The following KIAA0825 variants were observed in gnomAD, a reference collection of about 807,000 sequenced individuals.
The protein encoded by KIAA0825 is KIAA0825.
A neutral mutation model predicts 147.6 loss-of-function variants in KIAA0825; 119 were observed. The ratio of observed to expected loss-of-function variants is 0.81; its 90% CI spans 0.69 to 0.94. The LOEUF is 0.94. Among genes scored for constraint, KIAA0825 ranks in the 40% least tolerant of loss-of-function variants. The pLI is 0.00. For missense variants in KIAA0825, 1,381 were observed against 1,472.7 expected (o/e 0.94, Z 1.02); for synonymous variants, 470 against 518.1 (o/e 0.91, Z 1.26).
At chr5:94,194,322 CA>C (rs2150007479) in intron 20 of KIAA0825, among the ~76,000 whole-genome samples, 1 of 152,208 alleles carries the variant, frequency 6.6e-6, no homozygotes, top group East Asian at 1.9e-4. Context: ...CTCTGCCTTC[CA>C]TTCTATGACA....
At chr5:94,447,907 G>C (rs538118727) in intron 13 of KIAA0825, among the ~76,000 whole-genome samples, 1 of 152,122 alleles carries the variant, frequency 6.6e-6, no homozygotes, top group Admixed American at 6.6e-5. Context: ...TAGTTAAAAT[G>C]AATGGACTGT....
intron 5 of KIAA0825, among the ~76,000 whole-genome samples, chr5:94,485,696 T>C (rs1584645878): frequency 6.6e-6 from 1 of 151,800 alleles, no homozygotes; most frequent in East Asian, 1.9e-4. Context: ...AATTTGAATG[T>C]AAAGGAATTA....
At chr5:94,530,935 TC>T (rs1770675433) in intron 3 of KIAA0825, among the ~76,000 whole-genome samples, 1 of 152,176 alleles carries the variant, frequency 6.6e-6, no homozygotes. Context: ...ATTTTCAGTA[TC>T]ATACTATTCA....
chr5:94,228,615 C>T (rs1335422765), intron 20 of KIAA0825, among the ~76,000 whole-genome samples: 1 of 152,150 alleles, frequency 6.6e-6, no homozygotes, highest in Non-Finnish European at 1.5e-5. Flanking sequence ...CACATCTAGA[C>T]ACAATGGAGT....
At chr5:94,301,951 T>C (rs1422271000) in intron 20 of KIAA0825, among the ~76,000 whole-genome samples, 1 of 152,132 alleles carries the variant, frequency 6.6e-6, no homozygotes, top group Non-Finnish European at 1.5e-5. Context: ...AACTTTGCAA[T>C]ATCAGTGACA....
In KIAA0825 at chr5:94,604,037, A is replaced by G. The variant is rs540990243; in HGVS notation, c.-153+14463T>C. Among the ~76,000 whole-genome samples the G allele has an allele frequency of 5.1e-4, 78 of 152,330 alleles. 1 individual carries two copies. The South Asian group carries it at 0.015, about 30-fold the overall frequency. On this transcript the variant is annotated intron_variant, in intron 1 of 20. Coordinates refer to ENST00000682413, the MANE Select transcript of KIAA0825 (RefSeq NM_001145678.3). ...AGATGAACAAGACAGAAAATTAACA[A>G]AGATATTTAGGACCTGAACTCAGCT...
chr5:94,615,164 T>C (rs1222068535), intron 1 of KIAA0825, among the ~76,000 whole-genome samples: 1 of 151,828 alleles, frequency 6.6e-6, no homozygotes. Flanking sequence ...CGTGAACACA[T>C]ATAAAAGCTT....
At position 94,484,890 on chromosome 5, in the gene KIAA0825, G is replaced by C; in HGVS notation, c.1011C>G (p.Leu337=). The part of the protein sequence containing the change: ...ECPQKGRNFS[L]PLDKVEFLSQ... ...ATAAGAATTCGACTTTGTCTAAAGG[G>C]AGAGAGAAGTTTCTTCCTTTCTGTG... is the stretch of plus-strand genomic sequence containing the variant. Residue 337 remains leucine, a synonymous_variant, in exon 6 of 21, where the codon CTC becomes CTG. Transcript: ENST00000682413. 1 of 1,529,708 alleles carries C rather than the reference G, an allele frequency of 6.5e-7. No homozygotes were observed. The highest frequency in any genetic ancestry group is 8.8e-7 in the Non-Finnish European group (1 of 1,131,856). The allele number at this position is 1,529,708 out of a possible 1,614,324, so 94.8% of individuals were successfully genotyped here.
intron 15 of KIAA0825, chr5:94,416,998 T>G: frequency 2.2e-6 from 1 of 454,900 alleles, no homozygotes. Flanking sequence ...CTCCCTTGCA[T>G]CTTGTCCCAA....
chr5:94,400,445 A>G (rs74731747), intron 16 of KIAA0825, among the ~76,000 whole-genome samples: 6,717 of 152,056 alleles, frequency 0.044, 192 homozygotes, highest in East Asian at 0.11. Flanking sequence ...TCTGTCATCA[A>G]TTTCTTTCTC....
At chr5:94,498,922 G>T (rs552180291) in intron 5 of KIAA0825, among the ~76,000 whole-genome samples, 4 of 152,224 alleles carry the variant, frequency 2.6e-5, no homozygotes, top group African/African-American at 9.6e-5. Flanking sequence ...AATTCCTAAT[G>T]TGTTTAAAGT....
At chr5:94,313,294 A>G (rs1252499486) in intron 20 of KIAA0825, among the ~76,000 whole-genome samples, 1 of 151,670 alleles carries the variant, frequency 6.6e-6, no homozygotes, top group African/African-American at 2.4e-5. Context: ...TCAGAGCTAC[A>G]TCTTAAGACT....
At chr5:94,563,413 A>C (rs1037599302) in intron 2 of KIAA0825, among the ~76,000 whole-genome samples, 4 of 152,160 alleles carry the variant, frequency 2.6e-5, no homozygotes, top group Admixed American at 1.3e-4. Flanking sequence ...AGATTTCTAG[A>C]AAAGTTCTAT....
intron 11 of KIAA0825, among the ~76,000 whole-genome samples, chr5:94,462,939 A>G (rs992736759): frequency 2.0e-5 from 3 of 151,844 alleles, no homozygotes; most frequent in Non-Finnish European, 4.4e-5. Flanking sequence ...TTATCCATGT[A>G]TATGTATGAT....
intron 20 of KIAA0825, among the ~76,000 whole-genome samples, chr5:94,190,609 G>A (rs1427102480): frequency 6.7e-6 from 1 of 149,396 alleles, no homozygotes; most frequent in Non-Finnish European, 1.5e-5. Context: ...TTTCATAGGT[G>A]CCCCTAATCA....
At chr5:94,352,496 T>C (rs948046170) in intron 20 of KIAA0825, among the ~76,000 whole-genome samples, 2 of 152,220 alleles carry the variant, frequency 1.3e-5, no homozygotes, top group Non-Finnish European at 2.9e-5. Context: ...ACAGCTACTA[T>C]GGAAAACAGT....
intron 20 of KIAA0825, among the ~76,000 whole-genome samples, chr5:94,267,112 C>A (rs1776770172): frequency 6.6e-6 from 1 of 152,156 alleles, no homozygotes; most frequent in Non-Finnish European, 1.5e-5. Context: ...ATACTTGTCA[C>A]CACACTGAGA....
In KIAA0825 at chr5:94,353,113, T is replaced by C. The variant is rs115803281; in HGVS notation, c.3710+31255A>G. On this transcript the variant is annotated intron_variant, in intron 20 of 20. Coordinates refer to ENST00000682413, the MANE Select transcript of KIAA0825 (RefSeq NM_001145678.3). ...ATAAATAAAAATCTTACAGGAAACA[T>C]TGTCAAAAAGATAAAAGTTCAAAAG... is the stretch of plus-strand genomic sequence containing the variant. Among the ~76,000 whole-genome samples, 701 of 152,134 alleles carry C rather than the reference T, an allele frequency of 4.6e-3. 5 individuals are homozygous for C. Among genetic ancestry groups the C allele is most frequent in the African/African-American group, 0.016 (674 of 41,512 alleles).
intron 5 of KIAA0825, among the ~76,000 whole-genome samples, chr5:94,493,735 G>A (rs557355841): frequency 1.3e-5 from 2 of 152,144 alleles, no homozygotes; most frequent in East Asian, 3.9e-4. Context: ...GGATCTGCCC[G>A]CCTCGGCCTC....
Sources: allele counts gnomAD v4.1 joint callset (sites outside exome capture counted in the v4.1 genomes callset), GRCh38; gene constraint gnomAD v4.1.1; transcripts MANE v1.5; gene names NCBI Gene and HGNC (gene_info 2026-07-23, HGNC 2026-07-21).